Variants in ZNF273 observed in about 807,000 individuals in gnomAD.
ZNF273 encodes zinc finger protein 273, also known as zinc finger protein 9.
A neutral mutation model predicts 14.9 loss-of-function variants in ZNF273; 11 were observed. The observed-to-expected ratio is 0.74, with a 90% confidence interval of 0.46 to 1.22. The LOEUF is 1.22. Ranked by LOEUF, ZNF273 falls within the 50% of genes most tolerant of loss-of-function variation. The probability of loss-of-function intolerance (pLI) is 0.00; values close to 1 mark genes in which losing one functional copy is unlikely to be tolerated. For missense variants in ZNF273, 577 were observed against 660.6 expected, an observed-to-expected ratio of 0.87 and a Z score of 1.39; for synonymous variants, 199 against 223.9, an observed-to-expected ratio of 0.89 and a Z score of 0.99.
chr7:64,932,720 G>A (rs564182030), downstream of ZNF273, among the ~76,000 whole-genome samples: 1 of 152,010 alleles, frequency 6.6e-6, no homozygotes, highest in Non-Finnish European at 1.5e-5. Context: ...CCAGGAGTGC[G>A]AAACCAGCCC....
chr7:64,881,662 C>T (rs1438351614), downstream of ZNF273, among the ~76,000 whole-genome samples: 2 of 152,154 alleles, frequency 1.3e-5, no homozygotes, highest in African/African-American at 4.8e-5. Context: ...CAGATCTTGG[C>T]TGCCAGGGAC....
rs1794917138 is a variant in ZNF273 at position 64,929,230 on chromosome 7, G to A, written c.*192G>A. The A allele has an allele frequency of 6.2e-6, 1 of 161,190 alleles. No individual in the cohort carries two copies. The highest frequency in any genetic ancestry group is 1.1e-5 in the Non-Finnish European group (1 of 87,890). 10.0% of individuals were successfully genotyped at this position (161,190 alleles called of 1,614,324 possible). On this transcript the variant is annotated 3_prime_UTR_variant, in exon 4 of 4. Coordinates refer to ENST00000476120, the MANE Select transcript of ZNF273 (RefSeq NM_021148.3). ...CTCATATCTTAACATCAGCGAGTTG[G>A]TATTTAATAAAAGCATTATCAATGA... is the stretch of plus-strand genomic sequence containing the variant.
chr7:64,888,357 G>A lies in ZNF273; in HGVS notation n.274-216G>A, dbSNP rs968575855. ...TGAGCTCAAATTCCTGCTCCCAGGG[G>A]GAAGCGGGTTATGAAGATGAGAGGG... is the stretch of plus-strand genomic sequence containing the variant. On this transcript the variant is annotated intron_variant and non_coding_transcript_variant, in intron 1 of 1. Coordinates refer to the ZNF273 transcript ENST00000471926. 3.0e-6 allele frequency: 3 copies of A among 985,218 alleles called. No homozygotes were observed. In the African/African-American group the frequency reaches 5.2e-5, roughly 17 times the overall value. The allele number at this position is 985,218 out of a possible 1,614,324, so 61.0% of individuals were successfully genotyped here.
intron 1 of ZNF273, chr7:64,917,107 T>C (rs1054277211): frequency 1.6e-5 from 21 of 1,284,762 alleles, no homozygotes; most frequent in Non-Finnish European, 1.9e-5. Context: ...GCCAAAAACA[T>C]TGGCATTACT....
At chr7:64,891,214 G>A (rs1378939150), downstream of ZNF273, among the ~76,000 whole-genome samples, 4 of 152,196 alleles carry the variant, frequency 2.6e-5, no homozygotes, top group East Asian at 1.9e-4. Context: ...GGACAACTCT[G>A]GCCATATCTC....
At chr7:64,882,334 A>AC (rs1414774111), downstream of ZNF273, among the ~76,000 whole-genome samples, 1 of 346 alleles carries the variant, frequency 2.9e-3, no homozygotes, top group Non-Finnish European at 7.9e-3. Context: ...GACCACGGAG[A>AC]CGCCCCAGGA....
At chr7:64,901,597 A>G (rs1052052397), upstream of ZNF273, among the ~76,000 whole-genome samples, 2 of 152,062 alleles carry the variant, frequency 1.3e-5, no homozygotes, top group African/African-American at 4.8e-5. Context: ...GCTATTCCAG[A>G]TGATAGGTGA....
intron 3 of ZNF273, among the ~76,000 whole-genome samples, chr7:64,922,822 C>T (rs994843831): frequency 6.6e-6 from 1 of 151,866 alleles, no homozygotes; most frequent in East Asian, 1.9e-4. Context: ...AAACATTAGC[C>T]AGGTGTGGTG....
downstream of ZNF273, among the ~76,000 whole-genome samples, chr7:64,931,377 A>G (rs373874362): frequency 6.6e-5 from 10 of 152,268 alleles, no homozygotes; most frequent in South Asian, 4.1e-4. Context: ...TGGTAGAGCC[A>G]TACATTTCTT....
At position 64,907,243 on chromosome 7, in the gene ZNF273, A is replaced by G. The variant is rs778168027; in HGVS notation, c.102+3824A>G. Among the ~76,000 whole-genome samples, 36 of 152,192 alleles carry G rather than the reference A, an allele frequency of 2.4e-4. 1 individual carries two copies. Among genetic ancestry groups the G allele is most frequent in the Non-Finnish European group, 7.3e-5 (5 of 68,030 alleles). On this transcript the variant is annotated intron_variant, in intron 1 of 3. Coordinates refer to ENST00000476120, the MANE Select transcript of ZNF273 (RefSeq NM_021148.3). ...ATGTGATAGGTAAGAAAAGAGCACC[A>G]TCTAAGTCATAATGGGAGGGTGTTT...
downstream of ZNF273, among the ~76,000 whole-genome samples, chr7:64,892,146 CA>C (rs2129044466): frequency 1.3e-5 from 2 of 152,226 alleles, 1 homozygote; most frequent in South Asian, 4.1e-4. Flanking sequence ...GATATTGCAA[CA>C]AAATTTAAAC....
In ZNF273 at chr7:64,912,826, G is replaced by GTTTTTTGTTGTTGTTGTTTTTTTT; in HGVS notation, c.103-4749_103-4748insGTTGTTGTTGTTTTTTTTTTTTTT. ...TCTTTTTGACTCAGGATTCATTTTA[G>GTTTTTTGTTGTTGTTGTTTTTTTT]TTTTTTTTTTTTTTTTTTTTGAGAT... On this transcript the variant is annotated intron_variant, in intron 1 of 3. Transcript: ENST00000476120. Among the ~76,000 whole-genome samples the GTTTTTTGTTGTTGTTGTTTTTTTT allele has an allele frequency of 8.2e-4, 30 of 36,568 alleles. 1 individual carries two copies. The highest frequency in any genetic ancestry group is 6.2e-3 in the East Asian group (10 of 1,618). 24.0% of individuals were successfully genotyped at this position (36,568 alleles called of 152,430 possible).
chr7:64,911,470 T>C (rs184355442), intron 1 of ZNF273, among the ~76,000 whole-genome samples: 18 of 151,740 alleles, frequency 1.2e-4, no homozygotes, highest in African/African-American at 3.6e-4. Flanking sequence ...TCCATGTTGG[T>C]CAGGCTGGTT....
At chr7:64,906,219 G>A (rs917305944) in intron 1 of ZNF273, among the ~76,000 whole-genome samples, 1 of 152,144 alleles carries the variant, frequency 6.6e-6, no homozygotes, top group Admixed American at 6.5e-5. Flanking sequence ...TTTATGCAGA[G>A]TACATTTGTA....
At chr7:64,895,324 T>C (rs1272157774) in intron 3 of ZNF273, among the ~76,000 whole-genome samples, 1 of 152,186 alleles carries the variant, frequency 6.6e-6, no homozygotes, top group African/African-American at 2.4e-5. Flanking sequence ...AGTAAACAAA[T>C]TGATTTTTTT....
At chr7:64,926,694 C>T (rs1794781326) in intron 3 of ZNF273, among the ~76,000 whole-genome samples, 1 of 152,154 alleles carries the variant, frequency 6.6e-6, no homozygotes, top group African/African-American at 2.4e-5. Flanking sequence ...ACAAGCTACC[C>T]ATCACAATCT....
chr7:64,918,162 A>G (rs757476911), intron 2 of ZNF273, 35 bp from the exon 3 acceptor site: 1 of 1,527,726 alleles, frequency 6.5e-7, no homozygotes, highest in Non-Finnish European at 8.9e-7. Flanking sequence ...GGAGAATATG[A>G]GCAAGATTCA....
chr7:64,883,219 C>CCCT (rs1300145795), downstream of ZNF273, among the ~76,000 whole-genome samples: 3 of 145,386 alleles, frequency 2.1e-5, no homozygotes, highest in Non-Finnish European at 3.1e-5. Context: ...TCACCACCCC[C>CCCT]CCCTCACCAA....
At chr7:64,913,891 T>C (rs1208154763) in intron 1 of ZNF273, among the ~76,000 whole-genome samples, 2 of 152,110 alleles carry the variant, frequency 1.3e-5, no homozygotes, top group African/African-American at 4.8e-5. Flanking sequence ...GAGGATTACA[T>C]GGCCAATTTG....
Sources: gnomAD v4.1 joint callset for allele counts (sites outside exome capture counted in the v4.1 genomes callset) on GRCh38, gnomAD v4.1.1 for gene constraint, MANE v1.5 for transcripts, NCBI Gene and HGNC (gene_info 2026-07-23, HGNC 2026-07-21) for gene names.